The following RBFOX1 variants were observed in gnomAD, a reference collection of about 807,000 sequenced individuals.
The protein encoded by RBFOX1 is RNA binding protein fox-1 homolog 1.
Under a neutral mutation model 57.7 loss-of-function variants are expected in RBFOX1, and 8 were observed. The ratio of observed to expected loss-of-function variants is 0.14; its 90% confidence interval spans 0.08 to 0.25. The LOEUF (loss-of-function observed/expected upper bound fraction) is 0.25, where lower values mean the gene tolerates loss of function less well. Ranked by LOEUF, RBFOX1 falls within the 10% of genes least tolerant of loss-of-function variation. The pLI is 1.00. For missense variants in RBFOX1, 611 were observed against 548.5 expected (o/e 1.11, Z -1.14); for synonymous variants, 326 against 222.4 (o/e 1.47, Z -4.15).
chr16:5,353,906 A>G (rs2065323108), intron 1 of RBFOX1, among the ~76,000 whole-genome samples: 1 of 148,762 alleles, frequency 6.7e-6, no homozygotes, highest in Admixed American at 6.6e-5. Context: ...ATCTGGTGGG[A>G]GAAGCTTTGG....
At chr16:6,975,760 C>G (rs1043983117) in intron 3 of RBFOX1, among the ~76,000 whole-genome samples, 1 of 152,112 alleles carries the variant, frequency 6.6e-6, no homozygotes, top group African/African-American at 2.4e-5. Flanking sequence ...CCTATGACCC[C>G]TAAAGTGTAC....
chr16:6,485,845 C>G lies in RBFOX1; in HGVS notation c.-63-168758C>G, dbSNP rs541409321. On this transcript the variant is annotated intron_variant, in intron 2 of 15. Coordinates refer to ENST00000550418, the MANE Select transcript of RBFOX1 (RefSeq NM_018723.4). The stretch of plus-strand genomic sequence containing the variant: ...AACTTCTGTTTTTCCTATCACTTGT[C>G]TTAATTTTAGAGTCTGGATTCATTT... 1.1e-4 allele frequency among the ~76,000 whole-genome samples: 16 copies of G among 152,160 alleles called. No individual in the cohort carries two copies. In the East Asian group the frequency reaches 2.9e-3, roughly 28 times the overall value.
chr16:5,649,673 T>C (rs2049168861), intron 3 of RBFOX1, among the ~76,000 whole-genome samples: 1 of 152,254 alleles, frequency 6.6e-6, no homozygotes, highest in South Asian at 2.1e-4. Context: ...TTTTTGGTAC[T>C]TTACAATTAG....
At chr16:6,483,620 A>T in intron 2 of RBFOX1, 1 of 1,312,778 alleles carries the variant, frequency 7.6e-7, no homozygotes. Flanking sequence ...GAGGGAAGGG[A>T]GAGACCAGGC....
At chr16:5,736,147 C>A (rs1199302977) in intron 3 of RBFOX1, among the ~76,000 whole-genome samples, 2 of 151,976 alleles carry the variant, frequency 1.3e-5, no homozygotes, top group Non-Finnish European at 2.9e-5. Flanking sequence ...ACACGTGGAC[C>A]CGTGGAGCCA....
intron 1 of RBFOX1, among the ~76,000 whole-genome samples, chr16:6,185,078 G>A (rs1448664599): frequency 6.6e-6 from 1 of 152,116 alleles, no homozygotes; most frequent in East Asian, 1.9e-4. Flanking sequence ...ACAAGGAAGA[G>A]GTTTGATATG....
chr16:6,836,285 G>C (rs1474428744), intron 3 of RBFOX1, among the ~76,000 whole-genome samples: 1 of 152,194 alleles, frequency 6.6e-6, no homozygotes, highest in Non-Finnish European at 1.5e-5. Context: ...CAAGCAATGA[G>C]ATAGTTAAGG....
chr16:7,310,287 G>C (rs1274816042), intron 4 of RBFOX1, among the ~76,000 whole-genome samples: 1 of 152,200 alleles, frequency 6.6e-6, no homozygotes, highest in Non-Finnish European at 1.5e-5. Context: ...GAGCTTGTGT[G>C]GTTGGAATGT....
chr16:7,579,878 C>A lies in RBFOX1; in HGVS notation c.372C>A (p.Ile124=). ...SQPKRLHVSN[I]PFRFRDPDLR... Reference sequence around the variant, plus strand: ...CCAAGCGGCTGCATGTCTCCAATATCCCCTTCAGGTTCCGGGATCCGGACC... The same window carrying A: ...CCAAGCGGCTGCATGTCTCCAATATACCCTTCAGGTTCCGGGATCCGGACC... Residue 124 remains isoleucine (I), a synonymous_variant, in exon 6 of 16, where the codon ATC becomes ATA. Coordinates refer to ENST00000550418, the MANE Select transcript of RBFOX1 (RefSeq NM_018723.4). 6.2e-7 allele frequency: 1 copy of A among 1,614,126 alleles called. No individual in the cohort carries two copies. The highest frequency in any genetic ancestry group is 1.3e-5 in the African/African-American group (1 of 75,044).
chr16:7,219,516 G>A (rs1010836380), intron 4 of RBFOX1, among the ~76,000 whole-genome samples: 1 of 152,148 alleles, frequency 6.6e-6, no homozygotes, highest in Non-Finnish European at 1.5e-5. Flanking sequence ...TGTGTTTAAG[G>A]GTGTAATGTG....
chr16:5,731,082 A>G (rs913922704), intron 3 of RBFOX1, among the ~76,000 whole-genome samples: 1 of 152,012 alleles, frequency 6.6e-6, no homozygotes, highest in Non-Finnish European at 1.5e-5. Flanking sequence ...CATCACCATC[A>G]CCATCAACAT....
chr16:6,507,026 T>C (rs2153756095), intron 2 of RBFOX1, among the ~76,000 whole-genome samples: 1 of 152,236 alleles, frequency 6.6e-6, no homozygotes, highest in Admixed American at 6.5e-5. Flanking sequence ...TCATGACTGC[T>C]TCCTTTTCAA....
intron 1 of RBFOX1, among the ~76,000 whole-genome samples, chr16:6,193,257 G>A (rs1205260490): frequency 6.6e-6 from 1 of 150,764 alleles, no homozygotes; most frequent in Non-Finnish European, 1.5e-5. Context: ...ATTAGACTGA[G>A]GAGAGACATG....
At chr16:6,666,800 C>G (rs950890128) in intron 3 of RBFOX1, among the ~76,000 whole-genome samples, 1 of 152,114 alleles carries the variant, frequency 6.6e-6, no homozygotes, top group Non-Finnish European at 1.5e-5. Flanking sequence ...TTGGCCACTG[C>G]TAAATGTCAT....
At position 6,019,317 on chromosome 16, in the gene RBFOX1, G is replaced by T; in HGVS notation, c.-802G>T. On this transcript the variant is annotated 5_prime_UTR_variant, in exon 1 of 16. Coordinates refer to ENST00000550418, the MANE Select transcript of RBFOX1 (RefSeq NM_018723.4). The surrounding 1 kb of genome is among the most constrained non-coding windows in gnomAD (Gnocchi z 4.2). ...GAAGGTCACCTCCTTTCCAGTCCCC[G>T]TGCGAGCCGCGCTGCCGCCGCCTCC... 1 of 985,080 alleles carries T rather than the reference G, an allele frequency of 1.0e-6. No homozygotes were observed. The highest frequency in any genetic ancestry group is 1.2e-6 in the Non-Finnish European group (1 of 830,158). The allele number at this position is 985,080 out of a possible 1,614,324, so 61.0% of individuals were successfully genotyped here.
intron 3 of RBFOX1, among the ~76,000 whole-genome samples, chr16:6,754,495 GA>G (rs1289347569): frequency 7.2e-5 from 11 of 152,106 alleles, no homozygotes; most frequent in African/African-American, 2.7e-4. Flanking sequence ...TTTTCATGAG[GA>G]AAATTGAAGC....
intron 2 of RBFOX1, among the ~76,000 whole-genome samples, chr16:5,510,033 G>A (rs955581945): frequency 6.6e-5 from 10 of 152,196 alleles, no homozygotes; most frequent in Non-Finnish European, 8.8e-5. Context: ...CCCTGGGCGC[G>A]TCAGTTCTGA....
intron 2 of RBFOX1, among the ~76,000 whole-genome samples, chr16:6,492,309 G>A (rs941928783): frequency 6.6e-5 from 10 of 152,174 alleles, no homozygotes; most frequent in African/African-American, 1.2e-4. Context: ...GATGGCCCAC[G>A]CCTGTAATCC....
intron 2 of RBFOX1, among the ~76,000 whole-genome samples, chr16:6,388,414 A>G (rs2092417975): frequency 6.6e-6 from 1 of 152,176 alleles, no homozygotes; most frequent in Non-Finnish European, 1.5e-5. Flanking sequence ...AATGAAGACC[A>G]AGGTTCAATG....
Sources: allele counts gnomAD v4.1 joint callset (sites outside exome capture counted in the v4.1 genomes callset), GRCh38; gene constraint gnomAD v4.1.1; non-coding constraint Gnocchi (gnomAD v3.1); transcripts MANE v1.5; gene names NCBI Gene and HGNC (gene_info 2026-07-23, HGNC 2026-07-21).